The following PPP1R9A variants were observed in gnomAD, a reference collection of about 807,000 sequenced individuals.
PPP1R9A encodes neurabin-1.
In PPP1R9A, 59 loss-of-function variants were observed where a neutral mutation model predicts 141.9. The observed-to-expected ratio is 0.42, with a 90% CI of 0.34 to 0.52. PPP1R9A has a LOEUF of 0.52. Ranked by LOEUF, PPP1R9A falls within the 20% of genes least tolerant of loss-of-function variation. The probability of loss-of-function intolerance (pLI) is 0.10; values close to 1 mark genes in which losing one functional copy is unlikely to be tolerated. For synonymous variants in PPP1R9A, 500 were observed against 569.7 expected (o/e 0.88, Z 1.74); for missense variants, 1,444 against 1,611.9 (o/e 0.90, Z 1.78).
intron 7 of PPP1R9A, among the ~76,000 whole-genome samples, chr7:95,222,022 C>T (rs551890123): frequency 6.6e-6 from 1 of 152,188 alleles, no homozygotes; most frequent in South Asian, 2.1e-4. Context: ...TTGCAATTAA[C>T]CCACAAGTAC....
intron 4 of PPP1R9A, among the ~76,000 whole-genome samples, chr7:95,143,528 G>A (rs998481179): frequency 3.9e-5 from 6 of 152,092 alleles, no homozygotes; most frequent in Non-Finnish European, 8.8e-5. Flanking sequence ...CTGCTTTCGA[G>A]TGTTTCTAAG....
At chr7:94,973,145 A>G (rs1049634873) in intron 2 of PPP1R9A, among the ~76,000 whole-genome samples, 1 of 152,214 alleles carries the variant, frequency 6.6e-6, no homozygotes, top group African/African-American at 2.4e-5. Flanking sequence ...CTTGTCTTAA[A>G]TACTGTGAAA....
At chr7:95,141,755 A>G (rs1009448395) in intron 4 of PPP1R9A, among the ~76,000 whole-genome samples, 2 of 151,990 alleles carry the variant, frequency 1.3e-5, no homozygotes, top group African/African-American at 4.8e-5. Flanking sequence ...TACCACATTT[A>G]GTTTATTCAT....
intron 4 of PPP1R9A, among the ~76,000 whole-genome samples, chr7:95,153,368 A>C (rs1275157296): frequency 1.3e-5 from 2 of 152,176 alleles, no homozygotes; most frequent in Non-Finnish European, 2.9e-5. Flanking sequence ...GATATAAAAC[A>C]TTGTTAGAAT....
chr7:94,991,601 T>A (rs1413110301), intron 2 of PPP1R9A, among the ~76,000 whole-genome samples: 1 of 152,106 alleles, frequency 6.6e-6, no homozygotes, highest in South Asian at 2.1e-4. Flanking sequence ...TCTTCTTTTC[T>A]TAATCTTTAT....
chr7:95,222,672 A>G (rs1794624109), intron 7 of PPP1R9A, among the ~76,000 whole-genome samples: 1 of 152,064 alleles, frequency 6.6e-6, no homozygotes, highest in Admixed American at 6.6e-5. Flanking sequence ...GGTTACTTGA[A>G]AGATTTTTAA....
At chr7:95,165,117 T>A (rs2152726964) in intron 5 of PPP1R9A, among the ~76,000 whole-genome samples, 1 of 152,314 alleles carries the variant, frequency 6.6e-6, no homozygotes, top group Non-Finnish European at 1.5e-5. Context: ...ATTCACTCTA[T>A]CTCAATTACC....
At chr7:94,968,455 A>AGC (rs200201642) in intron 2 of PPP1R9A, among the ~76,000 whole-genome samples, 7,503 of 152,182 alleles carry the variant, frequency 0.049, 737 homozygotes, top group East Asian at 0.42. Context: ...TACAGGCGTG[A>AGC]GCGTCTCTTT....
intron 2 of PPP1R9A, among the ~76,000 whole-genome samples, chr7:95,093,176 A>G (rs1160007465): frequency 6.6e-6 from 1 of 152,096 alleles, no homozygotes; most frequent in Non-Finnish European, 1.5e-5. Context: ...AGACTTTCTC[A>G]GGATAGACCA....
rs181548529 is a variant in PPP1R9A, at chr7:95,080,810, A to C, written c.1396-30449A>C. On this transcript the variant is annotated intron_variant, in intron 2 of 19. Transcript: ENST00000433360. ...TCCTACAGTCATATTTTTGGGTGGC[A>C]TATTCTGGTTTCCTACAGAACGAAG... Among the ~76,000 whole-genome samples, 220 of 152,306 alleles carry C rather than the reference A, an allele frequency of 1.4e-3. 2 individuals carry two copies. Among genetic ancestry groups the C allele is most frequent in the African/African-American group, 4.7e-3 (195 of 41,568 alleles).
chr7:95,281,956 A>G (rs1453201581), intron 16 of PPP1R9A, among the ~76,000 whole-genome samples: 1 of 152,206 alleles, frequency 6.6e-6, no homozygotes, highest in East Asian at 1.9e-4. Context: ...GAGATACCCA[A>G]TTATAAGAGT....
rs1807038809 is a variant in PPP1R9A at position 95,295,890 on chromosome 7, T to C, written c.*5587T>C. 6.6e-6 allele frequency: 1 copy of C among 152,668 alleles called. No homozygotes were observed. Among genetic ancestry groups the C allele is most frequent in the South Asian group, 2.1e-4 (1 of 4,830 alleles). 9.5% of individuals were successfully genotyped at this position (152,668 alleles called of 1,614,324 possible). A position where few individuals can be genotyped will look rare whatever the true frequency, so the allele number is the denominator to read the frequency against. On this transcript the variant is annotated 3_prime_UTR_variant, in exon 20 of 20. Coordinates refer to ENST00000433360, the MANE Select transcript of PPP1R9A (RefSeq NM_001166160.2). ...TTTCTTCAACATTATTTAATATAAC[T>C]ACTGCTTTTATATTTTTTAATGGTG...
intron 4 of PPP1R9A, among the ~76,000 whole-genome samples, chr7:95,148,821 A>G (rs1417036273): frequency 1.3e-5 from 2 of 152,186 alleles, no homozygotes; most frequent in South Asian, 4.1e-4. Context: ...TCCAGAATAT[A>G]AAAGCAAAGA....
At chr7:95,234,780 C>G (rs1796450871) in intron 8 of PPP1R9A, among the ~76,000 whole-genome samples, 1 of 151,676 alleles carries the variant, frequency 6.6e-6, no homozygotes, top group South Asian at 2.1e-4. Context: ...ACTATACTAT[C>G]AGTCACCGAT....
At chr7:95,249,124 CT>C (rs1285536425) in intron 9 of PPP1R9A, among the ~76,000 whole-genome samples, 2 of 152,104 alleles carry the variant, frequency 1.3e-5, no homozygotes, top group African/African-American at 4.8e-5. Flanking sequence ...AGTTTACTAT[CT>C]ATTCCTAAGA....
chr7:95,154,354 G>A (rs1829235319), intron 4 of PPP1R9A, among the ~76,000 whole-genome samples: 1 of 151,946 alleles, frequency 6.6e-6, no homozygotes, highest in African/African-American at 2.4e-5. Context: ...CTGGTTTTTA[G>A]TTATATTCCA....
intron 8 of PPP1R9A, among the ~76,000 whole-genome samples, chr7:95,245,528 T>G (rs1798007572): frequency 6.6e-6 from 1 of 152,136 alleles, no homozygotes; most frequent in Non-Finnish European, 1.5e-5. Flanking sequence ...CAAGCCTATC[T>G]GACTGGCTAG....
intron 4 of PPP1R9A, among the ~76,000 whole-genome samples, chr7:95,139,181 A>G (rs1826189830): frequency 6.6e-6 from 1 of 152,212 alleles, no homozygotes; most frequent in South Asian, 2.1e-4. Context: ...ACAGTTCAGC[A>G]TGGCTGGGGA....
chr7:95,091,334 ACT>A, intron 2 of PPP1R9A, among the ~76,000 whole-genome samples: 1 of 123,348 alleles, frequency 8.1e-6, no homozygotes, highest in Admixed American at 8.6e-5. Flanking sequence ...CCTTGTTTTA[ACT>A]CTTTTTTTTT....
Sources: gnomAD v4.1 joint callset for allele counts (sites outside exome capture counted in the v4.1 genomes callset) on GRCh38, gnomAD v4.1.1 for gene constraint, MANE v1.5 for transcripts, NCBI Gene and HGNC (gene_info 2026-07-23, HGNC 2026-07-21) for gene names.